RRP15: variants seen among roughly 807,000 people sequenced by gnomAD.
RRP15 encodes RRP15-like protein.
Under a neutral mutation model 27.1 loss-of-function variants are expected in RRP15, and 18 were observed. That is an observed-to-expected ratio of 0.66 (90% CI 0.46 to 0.98). RRP15 has a LOEUF of 0.98. RRP15 is among the 50% of genes least tolerant of loss of function. The pLI, the probability that RRP15 is intolerant of heterozygous loss-of-function variation, is 0.00. For missense variants in RRP15, 359 were observed against 337.8 expected, an observed-to-expected ratio of 1.06 and a Z score of -0.49; for synonymous variants, 107 against 109.4, an observed-to-expected ratio of 0.98 and a Z score of 0.14.
At chr1:218,316,984 T>C (rs59808212) in intron 4 of RRP15, among the ~76,000 whole-genome samples, 5,025 of 152,276 alleles carry the variant, frequency 0.033, 265 homozygotes, top group African/African-American at 0.11. Context: ...TAAAACTAGA[T>C]TTGAAGGAAC....
At chr1:218,317,470 G>A (rs1223781934) in intron 4 of RRP15, among the ~76,000 whole-genome samples, 2 of 152,156 alleles carry the variant, frequency 1.3e-5, no homozygotes, top group Admixed American at 6.5e-5. Flanking sequence ...TTGATGTAAA[G>A]CATAATGAAG....
chr1:218,310,039 G>C (rs1168069220), intron 4 of RRP15, among the ~76,000 whole-genome samples: 1 of 152,146 alleles, frequency 6.6e-6, no homozygotes, highest in Non-Finnish European at 1.5e-5. Context: ...GCAAAGGTGA[G>C]CATAGATTTG....
At chr1:218,312,978 G>C (rs977580316) in intron 4 of RRP15, among the ~76,000 whole-genome samples, 2 of 152,192 alleles carry the variant, frequency 1.3e-5, no homozygotes, top group African/African-American at 4.8e-5. Flanking sequence ...CTATCTTGAG[G>C]AATCTGGACT....
chr1:218,318,496 G>A (rs1656124486), intron 4 of RRP15, among the ~76,000 whole-genome samples: 2 of 152,046 alleles, frequency 1.3e-5, no homozygotes, highest in African/African-American at 4.8e-5. Context: ...ATGAATCCAG[G>A]TTTATGAATT....
intron 2 of RRP15, among the ~76,000 whole-genome samples, chr1:218,304,692 T>A (rs1045984857): frequency 6.6e-6 from 1 of 152,232 alleles, no homozygotes; most frequent in Non-Finnish European, 1.5e-5. Flanking sequence ...GAATTCTTCC[T>A]TATGCTTCCC....
intron 4 of RRP15, among the ~76,000 whole-genome samples, chr1:218,320,446 G>A (rs1023026883): frequency 3.3e-5 from 5 of 151,898 alleles, no homozygotes; most frequent in African/African-American, 1.2e-4. Context: ...ACATTTTCTT[G>A]ATCCAGTCTA....
intron 1 of RRP15, among the ~76,000 whole-genome samples, chr1:218,296,593 A>G (rs891709983): frequency 5.3e-5 from 8 of 151,940 alleles, no homozygotes; most frequent in Admixed American, 3.9e-4. Flanking sequence ...GCAGTGAGCT[A>G]AGATTCTGTC....
chr1:218,296,299 A>AGC (rs1655718600), intron 1 of RRP15, among the ~76,000 whole-genome samples: 2 of 152,158 alleles, frequency 1.3e-5, no homozygotes, highest in Non-Finnish European at 1.5e-5. Context: ...CATGTTTTTA[A>AGC]CTTTTCTAAG....
chr1:218,304,264 A>G (rs1655858971), intron 2 of RRP15, among the ~76,000 whole-genome samples: 1 of 152,220 alleles, frequency 6.6e-6, no homozygotes, highest in African/African-American at 2.4e-5. Flanking sequence ...TTCATTGATT[A>G]ATGCATTATA....
At chr1:218,310,457 G>T (rs1028173211) in intron 4 of RRP15, among the ~76,000 whole-genome samples, 1 of 152,048 alleles carries the variant, frequency 6.6e-6, no homozygotes, top group Admixed American at 6.6e-5. Context: ...AAAGTCTTAT[G>T]TTCAATAATC....
intron 1 of RRP15, among the ~76,000 whole-genome samples, chr1:218,300,145 T>C (rs1655787976): frequency 6.6e-6 from 1 of 152,156 alleles, no homozygotes; most frequent in Non-Finnish European, 1.5e-5. Context: ...AATTTTTTTG[T>C]CTTTATTAAG....
Position 218,336,487 on chromosome 1 carries a change from C to G in RRP15, c.*5396C>G, listed in dbSNP as rs3795410. The G allele has an allele frequency of 0.14, 21,141 of 152,624 alleles. 3,481 individuals are homozygous for G. The highest frequency in any genetic ancestry group is 0.4 in the African/African-American group (16,430 of 41,474). 9.5% of individuals were successfully genotyped at this position (152,624 alleles called of 1,614,324 possible). A position where few individuals can be genotyped will look rare whatever the true frequency, so the allele number is the denominator to read the frequency against. On this transcript the variant is annotated 3_prime_UTR_variant, in exon 5 of 5. Transcript: ENST00000366932. The stretch of plus-strand genomic sequence containing the variant: ...GGAGAGACAGCTGAGAGCTGTGTCC[C>G]TATGCGTGGGTGGCCTTGCAGCTGT...
chr1:218,326,914 G>C (rs1427750763), intron 4 of RRP15, among the ~76,000 whole-genome samples: 1 of 152,134 alleles, frequency 6.6e-6, no homozygotes, highest in African/African-American at 2.4e-5. Context: ...TTTTATTTTG[G>C]TTCTTCCACT....
chr1:218,306,948 G>C (rs943590013), intron 3 of RRP15, among the ~76,000 whole-genome samples: 1 of 152,186 alleles, frequency 6.6e-6, no homozygotes, highest in Admixed American at 6.5e-5. Context: ...CATGTGGCTT[G>C]TGGCTCCTGT....
chr1:218,327,960 A>G (rs904352935), intron 4 of RRP15, among the ~76,000 whole-genome samples: 1 of 152,254 alleles, frequency 6.6e-6, no homozygotes, highest in African/African-American at 2.4e-5. Context: ...ATGCACCGGA[A>G]TCACTGACTG....
At chr1:218,293,978 A>G (rs745427479) in intron 1 of RRP15, among the ~76,000 whole-genome samples, 2 of 152,190 alleles carry the variant, frequency 1.3e-5, no homozygotes, top group Non-Finnish European at 2.9e-5. Context: ...TAGCAGTTAT[A>G]TATATCAACT....
chr1:218,296,648 A>AAG (rs914668837), intron 1 of RRP15, among the ~76,000 whole-genome samples: 5 of 152,088 alleles, frequency 3.3e-5, no homozygotes, highest in African/African-American at 1.2e-4. Context: ...TGTCTCAAAA[A>AAG]AAAAAAAAGG....
chr1:218,328,106 A>G (rs969520854), intron 4 of RRP15, among the ~76,000 whole-genome samples: 1 of 152,248 alleles, frequency 6.6e-6, no homozygotes, highest in Admixed American at 6.5e-5. Context: ...TTTAAGAATC[A>G]CTGATACAGA....
intron 1 of RRP15, among the ~76,000 whole-genome samples, chr1:218,291,862 A>G (rs1485363903): frequency 6.7e-6 from 1 of 149,422 alleles, no homozygotes; most frequent in African/African-American, 2.5e-5. Flanking sequence ...TTTTAAGACA[A>G]AGTCTTGGTC....
Sources: allele counts gnomAD v4.1 joint callset (sites outside exome capture counted in the v4.1 genomes callset), GRCh38; gene constraint gnomAD v4.1.1; transcripts MANE v1.5; gene names NCBI Gene and HGNC (gene_info 2026-07-23, HGNC 2026-07-21).